Variants in AFG1L observed in about 807,000 individuals in gnomAD.
The protein encoded by AFG1L is AFG1 like ATPase, also known as AFG1-like ATPase.
AFG1L carries 53 observed loss-of-function variants against 62.2 expected under a neutral mutation model. The observed-to-expected ratio is 0.85, with a 90% confidence interval of 0.68 to 1.07. AFG1L has a LOEUF of 1.07. Ranked by LOEUF, AFG1L falls within the 50% of genes least tolerant of loss-of-function variation. The pLI, the probability that AFG1L is intolerant of heterozygous loss-of-function variation, is 0.00. For missense variants in AFG1L, 555 were observed against 590.5 expected, an observed-to-expected ratio of 0.94 and a Z score of 0.62; for synonymous variants, 228 against 210.3, an observed-to-expected ratio of 1.08 and a Z score of -0.73.
chr6:108,394,401 G>A (rs1020061202), intron 6 of AFG1L, among the ~76,000 whole-genome samples: 11 of 151,940 alleles, frequency 7.2e-5, no homozygotes, highest in Non-Finnish European at 1.5e-4. Context: ...CACCTGCCTT[G>A]GCCTCCCAAA....
chr6:108,495,694 G>T (rs1244714665), intron 10 of AFG1L, among the ~76,000 whole-genome samples: 1 of 152,172 alleles, frequency 6.6e-6, no homozygotes, highest in Non-Finnish European at 1.5e-5. Context: ...ATATAATCAA[G>T]CTGTATACTC....
chr6:108,374,683 G>A (rs1264699842), intron 6 of AFG1L, among the ~76,000 whole-genome samples: 1 of 152,008 alleles, frequency 6.6e-6, no homozygotes, highest in Non-Finnish European at 1.5e-5. Flanking sequence ...TCATTCCATT[G>A]GTCTATATGT....
intron 12 of AFG1L, 105 bp from the exon 13 acceptor site, chr6:108,522,192 A>G: frequency 1.0e-6 from 1 of 981,092 alleles, no homozygotes; most frequent in South Asian, 1.6e-5. Context: ...AAAAAAAGGC[A>G]TAATCTAAAC....
chr6:108,298,144 T>C (rs1776842244), intron 1 of AFG1L, among the ~76,000 whole-genome samples: 1 of 152,164 alleles, frequency 6.6e-6, no homozygotes, highest in Non-Finnish European at 1.5e-5. Context: ...CTGCTATTTG[T>C]ACTAGCTTTT....
chr6:108,393,897 A>C (rs1456647219), intron 6 of AFG1L, among the ~76,000 whole-genome samples: 1 of 152,146 alleles, frequency 6.6e-6, no homozygotes. Context: ...TACAATTTTT[A>C]AAATACTGAC....
chr6:108,513,865 G>A (rs1416587609), intron 11 of AFG1L, among the ~76,000 whole-genome samples: 1 of 152,256 alleles, frequency 6.6e-6, no homozygotes, highest in African/African-American at 2.4e-5. Context: ...GCACGCCCCA[G>A]TAGGGGCAGA....
chr6:108,307,094 A>G (rs189698585), intron 1 of AFG1L, among the ~76,000 whole-genome samples: 3 of 150,890 alleles, frequency 2.0e-5, no homozygotes, highest in Non-Finnish European at 4.4e-5. Flanking sequence ...GCTCACTGCC[A>G]TCTCCGTTTC....
chr6:108,307,407 A>G (rs1219919448), intron 1 of AFG1L, among the ~76,000 whole-genome samples: 1 of 131,866 alleles, frequency 7.6e-6, no homozygotes, highest in African/African-American at 3.0e-5. Flanking sequence ...TTTTTCTTTC[A>G]TCTTATTTTT....
chr6:108,485,642 ATATATATATATATATTTTTTTTTTTTT>A (rs1773522092), intron 10 of AFG1L, among the ~76,000 whole-genome samples: 1 of 17,792 alleles, frequency 5.6e-5, no homozygotes, highest in Non-Finnish European at 1.1e-4. Flanking sequence ...ATATATATAT[ATATATATATATATATTTTTTTTTTTTT>A]TTTTTTTTTT....
chr6:108,381,893 A>T (rs748733565), intron 6 of AFG1L, among the ~76,000 whole-genome samples: 2 of 152,022 alleles, frequency 1.3e-5, no homozygotes, highest in Admixed American at 1.3e-4. Flanking sequence ...TGAAATGACT[A>T]TGCTTCTTTG....
intron 1 of AFG1L, among the ~76,000 whole-genome samples, chr6:108,317,327 A>G (rs1052521546): frequency 2.0e-5 from 3 of 152,062 alleles, no homozygotes; most frequent in Non-Finnish European, 2.9e-5. Flanking sequence ...TTTATGGACA[A>G]TTTCACGGGC....
At chr6:108,332,538 C>T (rs1778312904) in intron 2 of AFG1L, among the ~76,000 whole-genome samples, 1 of 152,122 alleles carries the variant, frequency 6.6e-6, no homozygotes, top group Non-Finnish European at 1.5e-5. Context: ...AATAAATGCC[C>T]TAAATTTAAA....
intron 10 of AFG1L, among the ~76,000 whole-genome samples, chr6:108,489,474 A>T (rs995498563): frequency 3.3e-5 from 5 of 152,202 alleles, no homozygotes; most frequent in Non-Finnish European, 7.4e-5. Context: ...TATACTTAAG[A>T]ATCCCAAGTC....
chr6:108,452,137 T>C (rs567429870), intron 8 of AFG1L, among the ~76,000 whole-genome samples: 1 of 152,342 alleles, frequency 6.6e-6, no homozygotes, highest in South Asian at 2.1e-4. Context: ...TGGACAGTAA[T>C]CTATTTTGAA....
intron 7 of AFG1L, among the ~76,000 whole-genome samples, chr6:108,414,505 C>T (rs1015197650): frequency 5.3e-5 from 8 of 152,050 alleles, no homozygotes; most frequent in African/African-American, 1.2e-4. Context: ...TGATGAAGAT[C>T]GATGCAAAAC....
Position 108,398,027 on chromosome 6 carries a change from C to T in AFG1L, c.749-3969C>T, listed in dbSNP as rs1490929629. 2.6e-5 allele frequency among the ~76,000 whole-genome samples: 4 copies of T among 152,144 alleles called. 1 individual carries two copies. Among genetic ancestry groups the T allele is most frequent in the Non-Finnish European group, 5.9e-5 (4 of 68,026 alleles). On this transcript the variant is annotated intron_variant, in intron 6 of 12. Transcript: ENST00000368977. ...TTTTTTTAGTGTTTTGAGGAACCTG[C>T]AAACTCATCTCCATAGTGGTTGTAC...
intron 6 of AFG1L, among the ~76,000 whole-genome samples, chr6:108,372,050 G>A (rs1404454456): frequency 1.3e-5 from 2 of 151,754 alleles, no homozygotes; most frequent in African/African-American, 2.4e-5. Flanking sequence ...GAGCCATCAC[G>A]CCCAGCCTGT....
Position 108,366,327 on chromosome 6 carries a change from C to T in AFG1L, c.743C>T (p.Pro248Leu), listed in dbSNP as rs763536126. The T allele has an allele frequency of 1.0e-5, 16 of 1,606,730 alleles. No homozygotes were observed. The highest frequency in any genetic ancestry group is 5.5e-5 in the South Asian group (5 of 90,588). The change falls in exon 6 of 13, where the codon CCG becomes CTG. Residue 248 changes from proline to leucine, a missense_variant. By Grantham distance (98) the Pro-to-Leu change is moderately conservative. Coordinates refer to ENST00000368977, the MANE Select transcript of AFG1L (RefSeq NM_145315.5). Reference sequence around the variant, plus strand: ...GTTGTGGCAACATCCAACAGGCCACCGGAAGGTAAAAACAAACATTGTGCT... The same window carrying T: ...GTTGTGGCAACATCCAACAGGCCACTGGAAGGTAAAAACAAACATTGTGCT... ...VVVVATSNRP[P>L]EDLYKNGLQR...
intron 5 of AFG1L, 97 bp from the exon 6 acceptor site, chr6:108,366,136 G>T: frequency 1.5e-6 from 1 of 649,666 alleles, no homozygotes; most frequent in Non-Finnish European, 2.7e-6. Context: ...TTTTTCTCTT[G>T]GAATTTACTT....
Sources: gnomAD v4.1 joint callset for allele counts (sites outside exome capture counted in the v4.1 genomes callset) on GRCh38, gnomAD v4.1.1 for gene constraint, MANE v1.5 for transcripts, NCBI Gene and HGNC (gene_info 2026-07-23, HGNC 2026-07-21) for gene names.